Variants in ERVH48-1 observed in about 807,000 individuals in gnomAD.
ERVH48-1 encodes the protein suppressyn.
Under a neutral mutation model 2.4 loss-of-function variants are expected in ERVH48-1, and 4 were observed. That is an observed-to-expected ratio of 1.68 (90% CI 0.83 to 3.84). The LOEUF is 3.84. Ranked by LOEUF, ERVH48-1 falls within the 30% of genes most tolerant of loss-of-function variation. The probability of loss-of-function intolerance (pLI) is 0.01; values close to 1 mark genes in which losing one functional copy is unlikely to be tolerated. For missense variants in ERVH48-1, 97 were observed against 43.4 expected, an observed-to-expected ratio of 2.23 and a Z score of -3.47; for synonymous variants, 32 against 15.5, an observed-to-expected ratio of 2.06 and a Z score of -2.49.
intron 1 of ERVH48-1, among the ~76,000 whole-genome samples, chr21:42,919,593 A>G (rs2058799554): frequency 6.6e-6 from 1 of 152,120 alleles, no homozygotes; most frequent in African/African-American, 2.4e-5. Context: ...GGCTTTAAGG[A>G]CAGAGTTGAC....
chr21:42,919,708 G>A (rs2058799845), intron 1 of ERVH48-1, among the ~76,000 whole-genome samples: 1 of 152,180 alleles, frequency 6.6e-6, no homozygotes, highest in South Asian at 2.1e-4. Flanking sequence ...ATAAAGGCAG[G>A]CCCGTTATCG....
At chr21:42,924,108 T>C (rs1218986415) in intron 1 of ERVH48-1, among the ~76,000 whole-genome samples, 2 of 152,152 alleles carry the variant, frequency 1.3e-5, no homozygotes, top group East Asian at 1.9e-4. Flanking sequence ...AAGTGGTTCC[T>C]GCTGAGGGTT....
chr21:42,923,760 A>G (rs549934580), intron 1 of ERVH48-1, among the ~76,000 whole-genome samples: 1 of 152,250 alleles, frequency 6.6e-6, no homozygotes, highest in East Asian at 1.9e-4. Flanking sequence ...GATGAATTGT[A>G]TCAGCATGTG....
At chr21:42,920,948 C>T (rs893745877) in intron 1 of ERVH48-1, among the ~76,000 whole-genome samples, 18 of 152,084 alleles carry the variant, frequency 1.2e-4, no homozygotes, top group Non-Finnish European at 1.9e-4. Flanking sequence ...AGACTTAGTA[C>T]GCTGCGGTGA....
intron 1 of ERVH48-1, among the ~76,000 whole-genome samples, chr21:42,923,891 A>G (rs1362461038): frequency 6.6e-6 from 1 of 152,228 alleles, no homozygotes; most frequent in Non-Finnish European, 1.5e-5. Flanking sequence ...TCTCTAATAT[A>G]AGAGGCAGGG....
At chr21:42,922,788 A>T (rs2058810288) in intron 1 of ERVH48-1, among the ~76,000 whole-genome samples, 1 of 149,344 alleles carries the variant, frequency 6.7e-6, no homozygotes, top group Admixed American at 6.6e-5. Context: ...AAAGGCATGA[A>T]GGGAGCAGAA....
intron 1 of ERVH48-1, among the ~76,000 whole-genome samples, chr21:42,921,330 C>G (rs1431546864): frequency 6.6e-6 from 1 of 152,004 alleles, no homozygotes; most frequent in Non-Finnish European, 1.5e-5. Flanking sequence ...CTTGGTATAA[C>G]AGTTTGGCTA....
At chr21:42,922,355 A>T (rs1038866780) in intron 1 of ERVH48-1, among the ~76,000 whole-genome samples, 1 of 151,980 alleles carries the variant, frequency 6.6e-6, no homozygotes, top group Non-Finnish European at 1.5e-5. Flanking sequence ...TGCGTTGGGT[A>T]CTAGGGGAAC....
rs1293252338 is a variant in ERVH48-1, at chr21:42,918,063, A to G, written c.*461T>C. 6.3e-6 allele frequency: 1 copy of G among 159,282 alleles called. No individual in the cohort carries two copies. The highest frequency in any genetic ancestry group is 2.4e-5 in the African/African-American group (1 of 41,518). 9.9% of individuals were successfully genotyped at this position (159,282 alleles called of 1,614,324 possible). ...TGTTCCTAGGATTGTCGCATAGTAC[A>G]CTTAGGCGGAGGTATGCGGCATAAG... is the stretch of plus-strand genomic sequence containing the variant. On this transcript the variant is annotated 3_prime_UTR_variant, in exon 2 of 2. Coordinates refer to ENST00000447535, the MANE Select transcript of ERVH48-1 (RefSeq NM_001308491.2).
chr21:42,921,400 ATT>A (rs2058805269), intron 1 of ERVH48-1, among the ~76,000 whole-genome samples: 2 of 151,858 alleles, frequency 1.3e-5, no homozygotes, highest in African/African-American at 4.8e-5. Context: ...AAAAGAGAGA[ATT>A]TCTTGCTTAG....
Position 42,917,683 on chromosome 21 carries a change from TTATCTC to T in ERVH48-1, c.*835_*840del, listed in dbSNP as rs2058792969. On this transcript the variant is annotated 3_prime_UTR_variant, in exon 2 of 2. Transcript: ENST00000447535. ...AGGGCTGAGGCAGTTTGGTTAGTGA[TTATCTC>T]TAGAACAGCTTGTAGTCTAATCGCT... 2.0e-5 allele frequency: 3 copies of T among 152,328 alleles called. No homozygotes were observed. Among genetic ancestry groups the T allele is most frequent in the South Asian group, 4.1e-4 (2 of 4,828 alleles). The allele number at this position is 152,328 out of a possible 1,614,324, so 9.4% of individuals were successfully genotyped here.
At chr21:42,920,800 C>T (rs1195863562) in intron 1 of ERVH48-1, among the ~76,000 whole-genome samples, 1 of 152,156 alleles carries the variant, frequency 6.6e-6, no homozygotes, top group Admixed American at 6.5e-5. Context: ...AGTGTCCACA[C>T]AGAAGTGTGC....
In ERVH48-1 at chr21:42,925,505, C is replaced by G. The variant is rs1439220877; in HGVS notation, c.-445G>C. On this transcript the variant is annotated 5_prime_UTR_variant, in exon 1 of 2. Transcript: ENST00000447535. ...CCCCTCGCAGGTTTCAGGGCCAGCC[C>G]CAAGGCTCTTGCATTGGTTGGAACC... 9 of 326,852 alleles carry G rather than the reference C, an allele frequency of 2.8e-5. No individual in the cohort carries two copies. The highest frequency in any genetic ancestry group is 4.6e-5 in the Non-Finnish European group (8 of 173,884). The allele number at this position is 326,852 out of a possible 1,614,324, so 20.2% of individuals were successfully genotyped here.
At chr21:42,923,304 C>T (rs147335627) in intron 1 of ERVH48-1, among the ~76,000 whole-genome samples, 2,243 of 152,314 alleles carry the variant, frequency 0.015, 138 homozygotes, top group Admixed American at 0.11. Context: ...GGCAAGCATT[C>T]GAAACTCTGC....
At chr21:42,921,642 G>A (rs957644266) in intron 1 of ERVH48-1, among the ~76,000 whole-genome samples, 1 of 152,110 alleles carries the variant, frequency 6.6e-6, no homozygotes, top group African/African-American at 2.4e-5. Context: ...GAGAGTGGAC[G>A]GTTTTAGGGA....
At chr21:42,925,236 C>T (rs1259887549) in intron 1 of ERVH48-1, 110 bp downstream of exon 1, 6 of 271,026 alleles carry the variant, frequency 2.2e-5, no homozygotes, top group Admixed American at 1.7e-4. Context: ...TGAACCACCA[C>T]GCCCGGCCAT....
Position 42,917,646 on chromosome 21 carries a change from G to A in ERVH48-1, c.*878C>T, listed in dbSNP as rs1025029782. The A allele has an allele frequency of 1.1e-4, 16 of 152,178 alleles. No individual in the cohort carries two copies. Among genetic ancestry groups the A allele is most frequent in the African/African-American group, 2.7e-4 (11 of 41,424 alleles). The allele number at this position is 152,178 out of a possible 1,614,324, so 9.4% of individuals were successfully genotyped here. ...CGCGCGCATTTGGTTTTGTTGTTGC[G>A]CGAGCATTTCTAGGGCTGAGGCAGT... On this transcript the variant is annotated 3_prime_UTR_variant, in exon 2 of 2. Coordinates refer to ENST00000447535, the MANE Select transcript of ERVH48-1 (RefSeq NM_001308491.2).
intron 1 of ERVH48-1, among the ~76,000 whole-genome samples, chr21:42,923,902 T>A (rs954043823): frequency 5.3e-5 from 8 of 152,126 alleles, no homozygotes; most frequent in African/African-American, 1.9e-4. Context: ...AGAGGCAGGG[T>A]ATTCTGGAAA....
At chr21:42,919,383 C>A in intron 1 of ERVH48-1, 92 bp from the exon 2 acceptor site, 1 of 178,596 alleles carries the variant, frequency 5.6e-6, no homozygotes, top group South Asian at 1.3e-4. Context: ...AAGACCGTGT[C>A]TGGATTAAGG....
Sources: gnomAD v4.1 joint callset for allele counts (sites outside exome capture counted in the v4.1 genomes callset) on GRCh38, gnomAD v4.1.1 for gene constraint, MANE v1.5 for transcripts, NCBI Gene and HGNC (gene_info 2026-07-23, HGNC 2026-07-21) for gene names.